CNBD1: variants seen among roughly 807,000 people sequenced by gnomAD.
CNBD1 encodes cyclic nucleotide-binding domain-containing protein 1.
CNBD1 carries 71 observed loss-of-function variants against 54.4 expected under a neutral mutation model. The observed-to-expected ratio is 1.30, with a 90% confidence interval of 1.08 to 1.59. The LOEUF is 1.59. Among genes scored for constraint, CNBD1 ranks in the 40% most tolerant of loss-of-function variants. CNBD1 has a pLI of 0.00. For synonymous variants in CNBD1, 182 were observed against 170.7 expected, an observed-to-expected ratio of 1.07 and a Z score of -0.51; for missense variants, 659 against 518.0, an observed-to-expected ratio of 1.27 and a Z score of -2.64.
chr8:87,386,275 C>T (rs186788850), downstream of CNBD1, among the ~76,000 whole-genome samples: 8 of 152,186 alleles, frequency 5.3e-5, no homozygotes, highest in South Asian at 2.1e-4. Flanking sequence ...ATGACTTTAA[C>T]GAGTTGAGAG....
chr8:86,870,664 A>G (rs1808431141), intron 1 of CNBD1, among the ~76,000 whole-genome samples: 1 of 152,206 alleles, frequency 6.6e-6, no homozygotes, highest in African/African-American at 2.4e-5. Flanking sequence ...TTAAAGGTAT[A>G]TATTTGAAAA....
intron 3 of CNBD1, among the ~76,000 whole-genome samples, chr8:86,927,095 T>C (rs1304446725): frequency 6.6e-6 from 1 of 151,952 alleles, no homozygotes; most frequent in Non-Finnish European, 1.5e-5. Context: ...ACAGAACTGG[T>C]TGTATATGTT....
intron 4 of CNBD1, among the ~76,000 whole-genome samples, chr8:87,082,363 C>G (rs1335297738): frequency 6.6e-6 from 1 of 152,162 alleles, no homozygotes; most frequent in Non-Finnish European, 1.5e-5. Flanking sequence ...TTGGACTCAG[C>G]CCACTTGCAC....
At chr8:87,226,961 T>C (rs1045174239) in intron 5 of CNBD1, among the ~76,000 whole-genome samples, 7 of 151,944 alleles carry the variant, frequency 4.6e-5, no homozygotes, top group East Asian at 3.9e-4. Context: ...TAGTTAGCTC[T>C]TCTTGTTGAA....
intron 4 of CNBD1, among the ~76,000 whole-genome samples, chr8:87,188,914 T>C (rs1203741173): frequency 6.6e-6 from 1 of 151,444 alleles, no homozygotes; most frequent in Admixed American, 6.6e-5. Flanking sequence ...TATTGTAAAC[T>C]TTTGAGCACA....
intron 4 of CNBD1, among the ~76,000 whole-genome samples, chr8:87,196,053 A>C (rs1813716175): frequency 6.6e-6 from 1 of 152,132 alleles, no homozygotes; most frequent in East Asian, 1.9e-4. Flanking sequence ...CAAATCAGTT[A>C]TTCCCCTACC....
chr8:87,269,118 T>C (rs1044031957), intron 6 of CNBD1, among the ~76,000 whole-genome samples: 2 of 152,094 alleles, frequency 1.3e-5, no homozygotes, highest in Admixed American at 6.6e-5. Flanking sequence ...AAGAAATGGG[T>C]CCAGTTTCCA....
At chr8:87,011,630 C>T (rs1475463683) in intron 4 of CNBD1, among the ~76,000 whole-genome samples, 1 of 151,974 alleles carries the variant, frequency 6.6e-6, no homozygotes, top group Admixed American at 6.6e-5. Flanking sequence ...TGAATTAAAT[C>T]TTTATTTTAT....
At chr8:87,194,524 C>T (rs1813675414) in intron 4 of CNBD1, among the ~76,000 whole-genome samples, 1 of 152,114 alleles carries the variant, frequency 6.6e-6, no homozygotes, top group African/African-American at 2.4e-5. Context: ...ATTTCTGTTG[C>T]CACCTAAAAT....
At chr8:86,988,065 T>C (rs1021879324) in intron 4 of CNBD1, among the ~76,000 whole-genome samples, 1 of 152,056 alleles carries the variant, frequency 6.6e-6, no homozygotes. Flanking sequence ...CTCAGGAGGA[T>C]TGGTACCATT....
At chr8:87,422,205 T>A (rs1176380899) in intron 2 of CNBD1, among the ~76,000 whole-genome samples, 4 of 147,450 alleles carry the variant, frequency 2.7e-5, no homozygotes, top group East Asian at 1.9e-4. Flanking sequence ...GTTGCAAAAA[T>A]TTTTCCCATT....
At chr8:86,999,957 A>G (rs1038726810) in intron 4 of CNBD1, among the ~76,000 whole-genome samples, 3 of 152,230 alleles carry the variant, frequency 2.0e-5, no homozygotes, top group Non-Finnish European at 4.4e-5. Context: ...TGCTGGCCTT[A>G]GACTGAATTT....
intron 10 of CNBD1, among the ~76,000 whole-genome samples, chr8:87,363,899 T>G (rs1810578451): frequency 6.6e-6 from 1 of 152,100 alleles, no homozygotes; most frequent in Admixed American, 6.6e-5. Flanking sequence ...TTGTCATTGC[T>G]TTTGGTGTTT....
At chr8:87,054,877 C>A (rs896753151) in intron 4 of CNBD1, among the ~76,000 whole-genome samples, 1 of 152,178 alleles carries the variant, frequency 6.6e-6, no homozygotes, top group African/African-American at 2.4e-5. Context: ...AAAGTCCTCT[C>A]AAGAAAGCCT....
intron 2 of CNBD1, among the ~76,000 whole-genome samples, chr8:87,407,327 T>C (rs927669587): frequency 2.6e-5 from 4 of 151,828 alleles, no homozygotes; most frequent in Non-Finnish European, 4.4e-5. Flanking sequence ...TCCATGTTAC[T>C]TATGTCAGTA....
At chr8:86,955,816 C>G (rs1464891589) in intron 4 of CNBD1, among the ~76,000 whole-genome samples, 8 of 152,188 alleles carry the variant, frequency 5.3e-5, no homozygotes, top group Admixed American at 4.6e-4. Context: ...TTTTGCTGTG[C>G]AGAAGCTCTT....
rs938864379 is a variant in CNBD1 at position 87,354,010 on chromosome 8, A to T, written c.1303+224A>T. On this transcript the variant is annotated intron_variant, in intron 10 of 10. Transcript: ENST00000518476. The stretch of plus-strand genomic sequence containing the variant: ...GCTGGAAGGGAACTTCATTTTCATC[A>T]TATAGAAAGAGGTGAGGACTTGATG... The T allele has an allele frequency of 2.4e-5, 8 of 338,652 alleles. No individual in the cohort carries two copies. In the Admixed American group the frequency reaches 3.4e-4, roughly 14 times the overall value. The allele number at this position is 338,652 out of a possible 1,614,324, so 21.0% of individuals were successfully genotyped here. A position where few individuals can be genotyped will look rare whatever the true frequency, so the allele number is the denominator to read the frequency against.
intron 6 of CNBD1, among the ~76,000 whole-genome samples, chr8:87,270,796 TTTC>T (rs1420569135): frequency 1.3e-5 from 2 of 151,970 alleles, no homozygotes; most frequent in Admixed American, 6.6e-5. Flanking sequence ...CCCTTTTCTT[TTTC>T]TTCTTCTTAT....
At chr8:87,100,867 G>T (rs1294993767) in intron 4 of CNBD1, among the ~76,000 whole-genome samples, 1 of 152,164 alleles carries the variant, frequency 6.6e-6, no homozygotes, top group East Asian at 1.9e-4. Flanking sequence ...TTTACAGAGG[G>T]AACGGTCTCT....
Sources: gnomAD v4.1 joint callset for allele counts (sites outside exome capture counted in the v4.1 genomes callset) on GRCh38, gnomAD v4.1.1 for gene constraint, MANE v1.5 for transcripts, NCBI Gene and HGNC (gene_info 2026-07-23, HGNC 2026-07-21) for gene names.